Variants in PRKCZ observed in about 807,000 individuals in gnomAD.
PRKCZ encodes protein kinase C zeta type.
In PRKCZ, 33 loss-of-function variants were observed where a neutral mutation model predicts 79.5. The observed-to-expected ratio is 0.41, with a 90% confidence interval of 0.31 to 0.55. The LOEUF is 0.55. PRKCZ is among the 20% of genes least tolerant of loss of function. The probability of loss-of-function intolerance (pLI) is 0.19; values close to 1 mark genes in which losing one functional copy is unlikely to be tolerated. For missense variants in PRKCZ, 578 were observed against 813.5 expected (o/e 0.71, Z 3.52); for synonymous variants, 342 against 320.9 (o/e 1.07, Z -0.70).
At chr1:2,058,670 T>G (rs945770606) in intron 3 of PRKCZ, among the ~76,000 whole-genome samples, 14 of 151,614 alleles carry the variant, frequency 9.2e-5, no homozygotes, top group Non-Finnish European at 1.9e-4. Context: ...CCGAGGCAGG[T>G]GGATCACTTG....
chr1:2,135,191 T>C, intron 4 of PRKCZ, 71 bp from the exon 5 acceptor site: 1 of 1,343,810 alleles, frequency 7.4e-7, no homozygotes, highest in Non-Finnish European at 1.0e-6. Context: ...GAGTGGCCTG[T>C]CGCAGCTGCA....
chr1:2,081,370 C>T (rs1361322470), intron 4 of PRKCZ, among the ~76,000 whole-genome samples: 1 of 152,032 alleles, frequency 6.6e-6, no homozygotes, highest in African/African-American at 2.4e-5. Context: ...GGGGTGGGTG[C>T]TGACGGGTCT....
intron 4 of PRKCZ, among the ~76,000 whole-genome samples, chr1:2,081,054 A>G (rs1663410508): frequency 6.6e-6 from 1 of 152,020 alleles, no homozygotes; most frequent in South Asian, 2.1e-4. Flanking sequence ...GTCGGCTCAC[A>G]CCTGCCCGTG....
intron 2 of PRKCZ, among the ~76,000 whole-genome samples, chr1:2,056,195 C>T (rs755943486): frequency 1.1e-4 from 16 of 152,240 alleles, no homozygotes; most frequent in Admixed American, 3.3e-4. Context: ...GACTGACCTC[C>T]GGAGAGTGTC....
Position 2,075,016 on chromosome 1 carries a change from A to T in PRKCZ, c.334+15425A>T, listed in dbSNP as rs557875916. On this transcript the variant is annotated intron_variant, in intron 4 of 17. Transcript: ENST00000378567. This position sits in a 1 kb window ranked among gnomAD's most constrained non-coding sequence, Gnocchi z 4.8. ...TCTCGGGGGGTGCTGGCTGCTGGGGAGGCTGGCAGCGCGCCCCTCCCCCAG... is the reference window on the plus strand; with the variant it reads ...TCTCGGGGGGTGCTGGCTGCTGGGGTGGCTGGCAGCGCGCCCCTCCCCCAG... 1 of 151,206 alleles carries T rather than the reference A, an allele frequency of 6.6e-6. No homozygotes were observed. Among genetic ancestry groups the T allele is most frequent in the Non-Finnish European group, 1.5e-5 (1 of 67,896 alleles). The allele number at this position is 151,206 out of a possible 1,614,324, so 9.4% of individuals were successfully genotyped here.
At chr1:2,126,466 C>T (rs1387120149) in intron 4 of PRKCZ, among the ~76,000 whole-genome samples, 3 of 152,070 alleles carry the variant, frequency 2.0e-5, no homozygotes, top group African/African-American at 4.8e-5. Flanking sequence ...TCCCCCCAGC[C>T]GCCTTGGGCT....
chr1:2,179,599 C>T lies in PRKCZ; in HGVS notation c.1575+4286C>T, dbSNP rs560713812. On this transcript the variant is annotated intron_variant, in intron 16 of 17. Coordinates refer to ENST00000378567, the MANE Select transcript of PRKCZ (RefSeq NM_002744.6). ...ACCCCACGTGTCCCACATGGCCGGG[C>T]GGTGCTGCGCTAACTCATCTCCCCC... Among the ~76,000 whole-genome samples the T allele has an allele frequency of 2.6e-3, 400 of 152,342 alleles. 1 individual carries two copies. Among genetic ancestry groups the T allele is most frequent in the African/African-American group, 9.1e-3 (378 of 41,566 alleles).
Position 2,156,525 on chromosome 1 carries a change from A to G in PRKCZ, c.974+433A>G, listed in dbSNP as rs1425261281. On this transcript the variant is annotated intron_variant, in intron 10 of 17. Transcript: ENST00000378567. ...TGTTTAAAATTTTGGGGGCCAGTTGACTTTGACCTACCTGATTTGTTTATT... is the reference window on the plus strand; with the variant it reads ...TGTTTAAAATTTTGGGGGCCAGTTGGCTTTGACCTACCTGATTTGTTTATT... 2.6e-5 allele frequency: 5 copies of G among 190,386 alleles called. No homozygotes were observed. The South Asian group carries it at 2.8e-4, about 11-fold the overall frequency. The allele number at this position is 190,386 out of a possible 1,614,324, so 11.8% of individuals were successfully genotyped here.
intron 10 of PRKCZ, chr1:2,156,513 G>C (rs1453139316): frequency 1.1e-5 from 2 of 185,916 alleles, no homozygotes; most frequent in Non-Finnish European, 2.3e-5. Flanking sequence ...TTAAAATTTT[G>C]GGGGCCAGTT....
In PRKCZ at chr1:2,075,777, C is replaced by T. The variant is rs549881289; in HGVS notation, c.334+16186C>T. On this transcript the variant is annotated intron_variant, in intron 4 of 17. Coordinates refer to ENST00000378567, the MANE Select transcript of PRKCZ (RefSeq NM_002744.6). The surrounding 1 kb of genome is among the most constrained non-coding windows in gnomAD (Gnocchi z 4.8). ...CACACTGGGTGCCCCAGACCTTCCACGGGGTCTGGTGGGGACCTGCCAGGG... is the reference window on the plus strand; with the variant it reads ...CACACTGGGTGCCCCAGACCTTCCATGGGGTCTGGTGGGGACCTGCCAGGG... Among the ~76,000 whole-genome samples, 5 of 152,342 alleles carry T rather than the reference C, an allele frequency of 3.3e-5. No homozygotes were observed. The highest frequency in any genetic ancestry group is 2.1e-4 in the South Asian group (1 of 4,830).
intron 4 of PRKCZ, among the ~76,000 whole-genome samples, chr1:2,076,096 C>A (rs1263494992): frequency 6.6e-6 from 1 of 152,216 alleles, no homozygotes; most frequent in Non-Finnish European, 1.5e-5. Flanking sequence ...GGGCCAGGCC[C>A]CTGAATGGGC....
At chr1:2,057,497 A>G (rs1252676584) in intron 3 of PRKCZ, among the ~76,000 whole-genome samples, 2 of 152,222 alleles carry the variant, frequency 1.3e-5, no homozygotes, top group Non-Finnish European at 2.9e-5. Flanking sequence ...TGACAGATCC[A>G]TCATTCTCCT....
At chr1:2,159,480 A>C (rs1681796648) in intron 10 of PRKCZ, among the ~76,000 whole-genome samples, 1 of 152,248 alleles carries the variant, frequency 6.6e-6, no homozygotes, top group Non-Finnish European at 1.5e-5. Flanking sequence ...GGGCGGCCTC[A>C]CAGCTCCCGG....
chr1:2,149,588 C>T lies in PRKCZ; in HGVS notation c.687+664C>T, dbSNP rs115785928. On this transcript the variant is annotated intron_variant, in intron 8 of 17. Transcript: ENST00000378567. This position sits in a 1 kb window ranked among gnomAD's most constrained non-coding sequence, Gnocchi z 4.1. ...AGAAAGCAGAATCTGAGGCTGAGCACGGCGACTCACACCTCCAATCCCAGC... is the reference window on the plus strand; with the variant it reads ...AGAAAGCAGAATCTGAGGCTGAGCATGGCGACTCACACCTCCAATCCCAGC... Among the ~76,000 whole-genome samples, 346 of 152,306 alleles carry T rather than the reference C, an allele frequency of 2.3e-3. 1 individual carries two copies. Among genetic ancestry groups the T allele is most frequent in the African/African-American group, 7.7e-3 (322 of 41,556 alleles).
chr1:2,126,940 G>C (rs1003897963), intron 4 of PRKCZ, among the ~76,000 whole-genome samples: 7 of 152,214 alleles, frequency 4.6e-5, no homozygotes, highest in African/African-American at 1.7e-4. Flanking sequence ...TGCCCACAGG[G>C]CCGGGTTCTG....
chr1:2,100,462 T>C (rs1025502727), intron 4 of PRKCZ, among the ~76,000 whole-genome samples: 12 of 152,234 alleles, frequency 7.9e-5, no homozygotes, highest in African/African-American at 2.9e-4. Flanking sequence ...CCTTTGTATC[T>C]AAATGCTGTG....
At position 2,101,472 on chromosome 1, in the gene PRKCZ, G is replaced by C. The variant is rs12076576; in HGVS notation, c.335-33790G>C. ...CCCTGGTGCGAGACATCCTGTTGCTGATTTACTTGTTCTCTCATTTGTTTC... is the reference window on the plus strand; with the variant it reads ...CCCTGGTGCGAGACATCCTGTTGCTCATTTACTTGTTCTCTCATTTGTTTC... On this transcript the variant is annotated intron_variant, in intron 4 of 17. Coordinates refer to ENST00000378567, the MANE Select transcript of PRKCZ (RefSeq NM_002744.6). Among the ~76,000 whole-genome samples, 1,069 of 152,226 alleles carry C rather than the reference G, an allele frequency of 7.0e-3. 17 individuals carry two copies. Among genetic ancestry groups the C allele is most frequent in the African/African-American group, 0.024 (1,000 of 41,510 alleles).
At chr1:2,099,047 CGTTGTCTGTGCTGTGACTTCCGTT>C (rs1393754349) in intron 4 of PRKCZ, among the ~76,000 whole-genome samples, 33 of 151,382 alleles carry the variant, frequency 2.2e-4, no homozygotes, top group South Asian at 1.2e-3. Context: ...TGACTTCCGT[CGTTGTCTGTGCTGTGACTTCCGTT>C]GTTGTCTGTG....
chr1:2,132,687 G>C (rs138897445), intron 4 of PRKCZ, among the ~76,000 whole-genome samples: 97 of 152,300 alleles, frequency 6.4e-4, no homozygotes, highest in African/African-American at 2.1e-3. Context: ...CCCTAGCCAC[G>C]GGCCCTTTGT....
Sources: gnomAD v4.1 joint callset for allele counts (sites outside exome capture counted in the v4.1 genomes callset) on GRCh38, gnomAD v4.1.1 for gene constraint, Gnocchi (gnomAD v3.1) non-coding constraint, MANE v1.5 for transcripts, NCBI Gene and HGNC (gene_info 2026-07-23, HGNC 2026-07-21) for gene names.